The following SDCCAG8 variants were observed in gnomAD, a reference collection of about 807,000 sequenced individuals.
SDCCAG8 encodes serologically defined colon cancer antigen 8.
Under a neutral mutation model 101.8 loss-of-function variants are expected in SDCCAG8, and 74 were observed. That is an observed-to-expected ratio of 0.73 (90% confidence interval 0.60 to 0.88). SDCCAG8 has a LOEUF of 0.88. SDCCAG8 is among the 40% of genes least tolerant of loss of function. The probability of loss-of-function intolerance (pLI) is 0.00; values close to 1 mark genes in which losing one functional copy is unlikely to be tolerated. For synonymous variants in SDCCAG8, 281 were observed against 292.9 expected, an observed-to-expected ratio of 0.96 and a Z score of 0.41; for missense variants, 787 against 822.6, an observed-to-expected ratio of 0.96 and a Z score of 0.53.
intron 5 of SDCCAG8, among the ~76,000 whole-genome samples, chr1:243,292,259 G>A (rs1164112739): frequency 6.6e-6 from 1 of 152,164 alleles, no homozygotes; most frequent in Non-Finnish European, 1.5e-5. Context: ...CCCTTGAGGT[G>A]GGGGAGTGGG....
intron 16 of SDCCAG8, among the ~76,000 whole-genome samples, chr1:243,472,046 G>C (rs1661373896): frequency 6.6e-6 from 1 of 152,218 alleles, no homozygotes; most frequent in African/African-American, 2.4e-5. Flanking sequence ...AACTAGAACA[G>C]ATCTGGTGAG....
chr1:243,433,860 A>G (rs2081962053), intron 16 of SDCCAG8, among the ~76,000 whole-genome samples: 1 of 152,210 alleles, frequency 6.6e-6, no homozygotes, highest in South Asian at 2.1e-4. Flanking sequence ...ATTTAAAAGT[A>G]CTAAAATTTG....
chr1:243,267,141 G>A (rs2067677652), intron 1 of SDCCAG8: 1 of 155,954 alleles, frequency 6.4e-6, no homozygotes, highest in Non-Finnish European at 1.4e-5. Context: ...TTCTCGGGAG[G>A]CTGAGGCAGG....
intron 13 of SDCCAG8, among the ~76,000 whole-genome samples, chr1:243,389,326 C>A (rs1039529869): frequency 6.6e-6 from 1 of 152,150 alleles, no homozygotes; most frequent in African/African-American, 2.4e-5. Context: ...CAGTTCTTCA[C>A]AACAACAGGG....
chr1:243,307,435 TTATC>T (rs1220605744), intron 7 of SDCCAG8: 44 of 974,470 alleles, frequency 4.5e-5, no homozygotes, highest in African/African-American at 1.2e-4. Flanking sequence ...CGTTAGATAA[TTATC>T]TATCTAACAG....
In SDCCAG8 at chr1:243,418,037, C is replaced by T. The variant is rs766975053; in HGVS notation, c.1814C>T (p.Thr605Ile). 17 of 1,612,904 alleles carry T rather than the reference C, an allele frequency of 1.1e-5. No homozygotes were observed. In the East Asian group the frequency reaches 3.6e-4, roughly 34 times the overall value. Reference sequence around the variant, plus strand: ...ACAAAGTTAAAGGAAGAATGCTGTACATTAGCCAAGAAACTGGAACAAATC... The same window carrying T: ...ACAAAGTTAAAGGAAGAATGCTGTATATTAGCCAAGAAACTGGAACAAATC... ...FLTKLKEECC[T>I]LAKKLEQISQ... Residue 605 changes from threonine (T) to isoleucine (I), a missense_variant, in exon 15 of 18, where the codon ACA becomes ATA. Physicochemically the swap from Thr to Ile is moderately conservative, Grantham distance 89. Transcript: ENST00000366541.
At position 243,294,478 on chromosome 1, in the gene SDCCAG8, G is replaced by T. The variant is rs934829166; in HGVS notation, c.675+1259G>T. Among the ~76,000 whole-genome samples, 7 of 31,558 alleles carry T rather than the reference G, an allele frequency of 2.2e-4. No homozygotes were observed. The Admixed American group carries it at 3.1e-3, about 14-fold the overall frequency. The allele number at this position is 31,558 out of a possible 152,430, so 20.7% of individuals were successfully genotyped here. ...CCTCCACTCCCCCCAAAAGGTGGGG[G>T]GGGGGAGAGAGAGAGAGAGAGAAAG... On this transcript the variant is annotated intron_variant, in intron 6 of 17. Coordinates refer to ENST00000366541, the MANE Select transcript of SDCCAG8 (RefSeq NM_006642.5).
intron 13 of SDCCAG8, among the ~76,000 whole-genome samples, chr1:243,407,034 T>C (rs915622213): frequency 1.3e-5 from 2 of 152,134 alleles, no homozygotes; most frequent in African/African-American, 4.8e-5. Flanking sequence ...TACTGTACCA[T>C]GAGTTGTTTT....
intron 13 of SDCCAG8, among the ~76,000 whole-genome samples, chr1:243,408,112 C>T (rs556088532): frequency 6.6e-6 from 1 of 152,270 alleles, no homozygotes; most frequent in South Asian, 2.1e-4. Context: ...TATTCTCTGA[C>T]TGTAGTCAGT....
chr1:243,419,808 T>A (rs1426085725), intron 15 of SDCCAG8, among the ~76,000 whole-genome samples: 2 of 152,220 alleles, frequency 1.3e-5, no homozygotes, highest in African/African-American at 4.8e-5. Context: ...AATTCACCTT[T>A]AAATTTCCGT....
chr1:243,406,011 G>A (rs912622246), intron 13 of SDCCAG8, among the ~76,000 whole-genome samples: 2 of 151,946 alleles, frequency 1.3e-5, no homozygotes, highest in Non-Finnish European at 2.9e-5. Flanking sequence ...TTATAGAAAC[G>A]CCACTAGAAT....
chr1:243,279,369 T>C (rs1346584895), intron 4 of SDCCAG8, among the ~76,000 whole-genome samples: 1 of 152,234 alleles, frequency 6.6e-6, no homozygotes, highest in African/African-American at 2.4e-5. Context: ...TTGAATATAC[T>C]ATAGATTATT....
chr1:243,462,275 G>A (rs991133156), intron 16 of SDCCAG8, among the ~76,000 whole-genome samples: 1 of 152,222 alleles, frequency 6.6e-6, no homozygotes, highest in African/African-American at 2.4e-5. Context: ...AGGAACCTGT[G>A]GAGTGGTGAG....
chr1:243,277,062 C>T (rs879670561), intron 4 of SDCCAG8, among the ~76,000 whole-genome samples: 5 of 152,138 alleles, frequency 3.3e-5, no homozygotes, highest in Non-Finnish European at 5.9e-5. Context: ...GGGAGGGCAT[C>T]TTTGTTGCTT....
At chr1:243,301,894 G>C (rs1268638245) in intron 6 of SDCCAG8, among the ~76,000 whole-genome samples, 2 of 152,168 alleles carry the variant, frequency 1.3e-5, no homozygotes, top group Non-Finnish European at 2.9e-5. Context: ...AAGATAACAA[G>C]AGAAGCAGCT....
At chr1:243,279,030 GTCC>G (rs1210402630) in intron 4 of SDCCAG8, among the ~76,000 whole-genome samples, 7 of 152,080 alleles carry the variant, frequency 4.6e-5, no homozygotes, top group Non-Finnish European at 8.8e-5. Context: ...GGCTCAAACA[GTCC>G]TCCTGCCTGG....
At chr1:243,407,684 T>C (rs1297503019) in intron 13 of SDCCAG8, among the ~76,000 whole-genome samples, 1 of 152,236 alleles carries the variant, frequency 6.6e-6, no homozygotes, top group African/African-American at 2.4e-5. Flanking sequence ...CTTTTGTGTA[T>C]ATTCCCTTGA....
intron 12 of SDCCAG8, among the ~76,000 whole-genome samples, chr1:243,362,296 C>T (rs2076765961): frequency 6.6e-6 from 1 of 150,944 alleles, no homozygotes; most frequent in Non-Finnish European, 1.5e-5. Flanking sequence ...AAGAGACGGC[C>T]AAGTGACTGC....
At chr1:243,295,398 C>T (rs762936467) in intron 6 of SDCCAG8, among the ~76,000 whole-genome samples, 17 of 151,996 alleles carry the variant, frequency 1.1e-4, no homozygotes, top group African/African-American at 1.9e-4. Context: ...CCACCATGCC[C>T]GGCTGATTTT....
Sources: allele counts gnomAD v4.1 joint callset (sites outside exome capture counted in the v4.1 genomes callset), GRCh38; gene constraint gnomAD v4.1.1; transcripts MANE v1.5; gene names NCBI Gene and HGNC (gene_info 2026-07-23, HGNC 2026-07-21).